FAM53A: variants seen among roughly 807,000 people sequenced by gnomAD.
FAM53A encodes family with sequence similarity 53 member A.
Under a neutral mutation model 26.6 loss-of-function variants are expected in FAM53A, and 28 were observed. That is an observed-to-expected ratio of 1.05 (90% CI 0.78 to 1.45). The LOEUF (loss-of-function observed/expected upper bound fraction) is 1.45. Among genes scored for constraint, FAM53A ranks in the 40% most tolerant of loss-of-function variants. The pLI is 0.00. For missense variants in FAM53A, 650 were observed against 575.8 expected (o/e 1.13, Z -1.32); for synonymous variants, 290 against 253.1 (o/e 1.15, Z -1.38).
the FAM53A span, among the ~76,000 whole-genome samples, chr4:1,590,510 T>C: frequency 3.3e-5 from 5 of 152,032 alleles, no homozygotes; most frequent in Admixed American, 6.6e-5. Flanking sequence ...CATTCCTTGC[T>C]CTCTCAAGCC....
At chr4:1,616,617 T>G (rs917951747), downstream of FAM53A, among the ~76,000 whole-genome samples, 1 of 152,256 alleles carries the variant, frequency 6.6e-6, no homozygotes, top group Non-Finnish European at 1.5e-5. Context: ...AGCAAATACA[T>G]TCTTGAATTG....
intron 2 of FAM53A, among the ~76,000 whole-genome samples, chr4:1,658,810 C>T (rs866251560): frequency 8.5e-5 from 13 of 152,220 alleles, no homozygotes; most frequent in South Asian, 4.1e-4. Flanking sequence ...GCCGGGTGCC[C>T]GGCAAGCTCC....
chr4:1,585,276 C>CT, the FAM53A span, among the ~76,000 whole-genome samples: 4,472 of 75,894 alleles, frequency 0.059, 181 homozygotes, highest in East Asian at 0.18. Flanking sequence ...CTCTCTCTCT[C>CT]TTTTTTTTTT....
At chr4:1,628,990 G>A (rs187824604) in intron 1 of FAM53A, among the ~76,000 whole-genome samples, 779 of 152,004 alleles carry the variant, frequency 5.1e-3, no homozygotes, top group Non-Finnish European at 8.7e-3. Flanking sequence ...AATCCACGAT[G>A]AGTCCCCGTG....
chr4:1,590,194 T>G, the FAM53A span, among the ~76,000 whole-genome samples: 1 of 152,240 alleles, frequency 6.6e-6, no homozygotes, highest in East Asian at 1.9e-4. Flanking sequence ...TTTTTTACAA[T>G]TCTTTTATTT....
chr4:1,655,866 C>T (rs1369744951), intron 3 of FAM53A, 143 bp from the exon 4 acceptor site: 1 of 1,038,878 alleles, frequency 9.6e-7, no homozygotes, highest in Admixed American at 3.3e-5. Flanking sequence ...TCCAAGATGT[C>T]CGTGGCGCAC....
the FAM53A span, among the ~76,000 whole-genome samples, chr4:1,588,629 C>T: frequency 5.3e-5 from 8 of 152,202 alleles, no homozygotes; most frequent in East Asian, 3.8e-4. Context: ...ATCCTCAAGA[C>T]GAATTCTCCA....
the FAM53A span, among the ~76,000 whole-genome samples, chr4:1,590,825 T>C: frequency 8.6e-5 from 13 of 151,630 alleles, no homozygotes; most frequent in Non-Finnish European, 1.9e-4. Context: ...GACTTACTTT[T>C]GTATATTTAA....
At chr4:1,647,272 T>A (rs899053064) in intron 4 of FAM53A, among the ~76,000 whole-genome samples, 3 of 150,740 alleles carry the variant, frequency 2.0e-5, no homozygotes, top group African/African-American at 4.9e-5. Flanking sequence ...GAGGCAGAGG[T>A]TGCAGTTAGC....
intron 2 of FAM53A, among the ~76,000 whole-genome samples, chr4:1,664,050 G>A (rs1474534185): frequency 1.3e-5 from 2 of 152,086 alleles, no homozygotes; most frequent in Non-Finnish European, 2.9e-5. Flanking sequence ...AAGCTCCAAG[G>A]AGCACCCTAT....
the FAM53A span, among the ~76,000 whole-genome samples, chr4:1,598,614 C>T: frequency 3.9e-5 from 6 of 152,162 alleles, no homozygotes; most frequent in African/African-American, 7.2e-5. Context: ...CACCCCCTCC[C>T]GGTTTGATGC....
At chr4:1,651,300 G>A (rs1299069348) in intron 4 of FAM53A, among the ~76,000 whole-genome samples, 2 of 151,824 alleles carry the variant, frequency 1.3e-5, no homozygotes, top group Admixed American at 6.6e-5. Flanking sequence ...GGGAGGCCGA[G>A]GCAGGCGGAT....
chr4:1,582,743 T>C, the FAM53A span, among the ~76,000 whole-genome samples: 3 of 152,218 alleles, frequency 2.0e-5, no homozygotes, highest in East Asian at 5.8e-4. Context: ...TAGTCCTAGC[T>C]ACTAGAGAGG....
At chr4:1,631,492 C>T (rs1050400025) in intron 1 of FAM53A, among the ~76,000 whole-genome samples, 7 of 152,136 alleles carry the variant, frequency 4.6e-5, no homozygotes, top group South Asian at 4.1e-4. Flanking sequence ...GTGTGTCCCC[C>T]GCTGCCTGGG....
chr4:1,667,614 C>G (rs1324941670), intron 2 of FAM53A, among the ~76,000 whole-genome samples: 1 of 152,204 alleles, frequency 6.6e-6, no homozygotes, highest in Non-Finnish European at 1.5e-5. Flanking sequence ...GACCCTCAGA[C>G]CCTCACTGGA....
At chr4:1,620,889 C>T (rs549003277) in intron 1 of FAM53A, among the ~76,000 whole-genome samples, 2 of 152,232 alleles carry the variant, frequency 1.3e-5, no homozygotes, top group East Asian at 3.9e-4. Context: ...GTGGCCATGC[C>T]AGGCTGGGAT....
chr4:1,587,629 G>A, the FAM53A span, among the ~76,000 whole-genome samples: 5 of 152,146 alleles, frequency 3.3e-5, no homozygotes, highest in African/African-American at 4.8e-5. Flanking sequence ...CTGAGATTGC[G>A]CCACTGCACT....
chr4:1,642,837 G>A (rs1010434794), intron 4 of FAM53A, among the ~76,000 whole-genome samples: 3 of 152,190 alleles, frequency 2.0e-5, no homozygotes, highest in African/African-American at 4.8e-5. Context: ...ACCACACCAC[G>A]CTGGCTTCAG....
At chr4:1,622,196 C>T (rs185986829) in intron 1 of FAM53A, among the ~76,000 whole-genome samples, 167 of 152,308 alleles carry the variant, frequency 1.1e-3, no homozygotes, top group African/African-American at 3.4e-3. Flanking sequence ...AGCAGCAGCA[C>T]GGAGAGAGGC....
Sources: gnomAD v4.1 joint callset for allele counts (sites outside exome capture counted in the v4.1 genomes callset) on GRCh38, gnomAD v4.1.1 for gene constraint, MANE v1.5 for transcripts, NCBI Gene and HGNC (gene_info 2026-07-23, HGNC 2026-07-21) for gene names.